UEVLD: variants seen among roughly 807,000 people sequenced by gnomAD.
UEVLD encodes the protein UEV and lactate/malate dehyrogenase domains, also known as ubiquitin-conjugating enzyme E2 variant 3.
UEVLD carries 47 observed loss-of-function variants against 58.6 expected under a neutral mutation model. That is an observed-to-expected ratio of 0.80 (90% CI 0.63 to 1.02). The LOEUF is 1.02. Among genes scored for constraint, UEVLD ranks in the 50% least tolerant of loss-of-function variants. UEVLD has a pLI of 0.00. For synonymous variants in UEVLD, 197 were observed against 195.3 expected, an observed-to-expected ratio of 1.01 and a Z score of -0.07; for missense variants, 510 against 550.6, an observed-to-expected ratio of 0.93 and a Z score of 0.74.
intron 7 of UEVLD, among the ~76,000 whole-genome samples, chr11:18,554,063 G>C (rs1019283657): frequency 1.3e-5 from 2 of 152,060 alleles, no homozygotes; most frequent in African/African-American, 4.8e-5. Context: ...AATTCCCTCG[G>C]TCTGACTCCT....
At chr11:18,575,033 G>A (rs2305167) in intron 3 of UEVLD, among the ~76,000 whole-genome samples, 28,492 of 152,108 alleles carry the variant, frequency 0.19, 2,760 homozygotes, top group East Asian at 0.25. Flanking sequence ...TTTGAAAGAA[G>A]TCCCCCCAAA....
intron 3 of UEVLD, among the ~76,000 whole-genome samples, chr11:18,571,755 C>T (rs1168971259): frequency 6.6e-6 from 1 of 152,166 alleles, no homozygotes; most frequent in Non-Finnish European, 1.5e-5. Context: ...CAGCTTGAGT[C>T]CAGGACTTCA....
chr11:18,562,437 G>T lies in UEVLD; in HGVS notation c.612+2455C>A, dbSNP rs538872239. ...CACGCCTGTAATCCCAGCTACTCGGGAGGCTGAGGTAGGAGAATCACTTGA... is the reference window on the plus strand; with the variant it reads ...CACGCCTGTAATCCCAGCTACTCGGTAGGCTGAGGTAGGAGAATCACTTGA... On this transcript the variant is annotated intron_variant, in intron 6 of 11. Coordinates refer to ENST00000396197, the MANE Select transcript of UEVLD (RefSeq NM_001040697.4). 1.1e-4 allele frequency among the ~76,000 whole-genome samples: 16 copies of T among 152,186 alleles called. 1 individual carries two copies. Among genetic ancestry groups the T allele is most frequent in the Middle Eastern group, 3.4e-3 (1 of 294 alleles).
intron 6 of UEVLD, among the ~76,000 whole-genome samples, chr11:18,561,795 G>A (rs1384494089): frequency 6.7e-6 from 1 of 148,698 alleles, no homozygotes; most frequent in Middle Eastern, 3.3e-3. Context: ...TCACGCCACT[G>A]CAATCCAGCC....
chr11:18,570,522 G>A (rs984973895), intron 3 of UEVLD, 145 bp from the exon 4 acceptor site: 2 of 664,626 alleles, frequency 3.0e-6, no homozygotes, highest in Non-Finnish European at 4.5e-6. Context: ...GAGGTGAGCA[G>A]ATTGCATGAG....
At chr11:18,555,000 T>TAG (rs1263194837) in intron 7 of UEVLD, among the ~76,000 whole-genome samples, 1 of 152,180 alleles carries the variant, frequency 6.6e-6, no homozygotes, top group East Asian at 1.9e-4. Context: ...TAAAATTACT[T>TAG]CATCTAAGGA....
intron 4 of UEVLD, among the ~76,000 whole-genome samples, chr11:18,568,341 C>T (rs1390153379): frequency 6.6e-6 from 1 of 152,132 alleles, no homozygotes; most frequent in Non-Finnish European, 1.5e-5. Flanking sequence ...TGAATTCCTG[C>T]AACATGGTAC....
chr11:18,579,115 C>T (rs1286936091), intron 1 of UEVLD, among the ~76,000 whole-genome samples: 1 of 152,176 alleles, frequency 6.6e-6, no homozygotes, highest in Non-Finnish European at 1.5e-5. Context: ...GATCTGCCTG[C>T]CTCGGCCTCC....
At chr11:18,546,793 G>C (rs1851319064) in intron 8 of UEVLD, 87 bp downstream of exon 8, 10 of 1,473,878 alleles carry the variant, frequency 6.8e-6, no homozygotes, top group Non-Finnish European at 9.2e-6. Context: ...CACTGTGCCA[G>C]GCCCTAAAGT....
At chr11:18,571,284 T>G (rs1027510651) in intron 3 of UEVLD, among the ~76,000 whole-genome samples, 1 of 152,026 alleles carries the variant, frequency 6.6e-6, no homozygotes. Context: ...GAGGCATAGG[T>G]TGCAGTGAGC....
rs929790557 is a variant in UEVLD, at chr11:18,529,813, A to T, written c.*2507T>A. ...GAAAATGCCAAATTATCACAAAATC[A>T]TAGGGAGGTGGTGGTGGTGATATTG... On this transcript the variant is annotated 3_prime_UTR_variant, in exon 12 of 12. Coordinates refer to ENST00000396197, the MANE Select transcript of UEVLD (RefSeq NM_001040697.4). 2 of 152,248 alleles carry T rather than the reference A, an allele frequency of 1.3e-5. No individual in the cohort carries two copies. The highest frequency in any genetic ancestry group is 2.1e-4 in the South Asian group (1 of 4,836). The allele number at this position is 152,248 out of a possible 1,614,324, so 9.4% of individuals were successfully genotyped here.
chr11:18,544,234 T>G (rs1851185995), intron 9 of UEVLD, among the ~76,000 whole-genome samples: 1 of 152,194 alleles, frequency 6.6e-6, no homozygotes, highest in African/African-American at 2.4e-5. Flanking sequence ...CAAAGCCAAT[T>G]AAGCCCACAA....
intron 3 of UEVLD, among the ~76,000 whole-genome samples, chr11:18,574,433 C>T (rs541036758): frequency 3.3e-4 from 51 of 152,296 alleles, no homozygotes; most frequent in African/African-American, 1.1e-3. Context: ...CCACCACACC[C>T]GGCAAGAACA....
chr11:18,578,714 T>C lies in UEVLD; in HGVS notation c.127+10A>G, dbSNP rs1301501855. On this transcript the variant is annotated intron_variant, in intron 2 of 11. Coordinates refer to ENST00000396197, the MANE Select transcript of UEVLD (RefSeq NM_001040697.4). ...AATGCAGCATTTAAACTAGAGGATATGATTCTTACCATAGGTGTCCATGGA... is the reference window on the plus strand; with the variant it reads ...AATGCAGCATTTAAACTAGAGGATACGATTCTTACCATAGGTGTCCATGGA... The C allele has an allele frequency of 2.5e-6, 4 of 1,586,204 alleles. No individual in the cohort carries two copies. Among genetic ancestry groups the C allele is most frequent in the Admixed American group, 1.8e-5 (1 of 56,122 alleles).
At chr11:18,587,252 A>C (rs532970245) in intron 1 of UEVLD, among the ~76,000 whole-genome samples, 2 of 152,350 alleles carry the variant, frequency 1.3e-5, no homozygotes, top group Non-Finnish European at 2.9e-5. Flanking sequence ...TCTGCACATT[A>C]AAACTTGAAT....
Position 18,529,773 on chromosome 11 carries a change from A to G in UEVLD, c.*2547T>C, listed in dbSNP as rs1192664740. The G allele has an allele frequency of 6.6e-6, 1 of 152,264 alleles. No homozygotes were observed. The highest frequency in any genetic ancestry group is 1.5e-5 in the Non-Finnish European group (1 of 68,044). 9.4% of individuals were successfully genotyped at this position (152,264 alleles called of 1,614,324 possible). ...TGATTTCATAAAAATGAAAACATGA[A>G]AGTTAACAAGCATTGAAAATGCCAA... On this transcript the variant is annotated 3_prime_UTR_variant, in exon 12 of 12. Transcript: ENST00000396197.
intron 7 of UEVLD, among the ~76,000 whole-genome samples, chr11:18,548,205 C>T (rs1265528148): frequency 2.6e-5 from 4 of 152,166 alleles, no homozygotes; most frequent in Non-Finnish European, 4.4e-5. Context: ...CTCCAGCACA[C>T]GTTATGCTGT....
At position 18,539,463 on chromosome 11, in the gene UEVLD, A is replaced by G. The variant is rs867879645; in HGVS notation, c.1061-2994T>C. On this transcript the variant is annotated intron_variant, in intron 9 of 11. Coordinates refer to ENST00000396197, the MANE Select transcript of UEVLD (RefSeq NM_001040697.4). ...ACTTAAGGGATTTTTAAAATGTTTT[A>G]CTTAGATAGAAGGGTGATAGGTGGA... Among the ~76,000 whole-genome samples the G allele has an allele frequency of 3.4e-4, 52 of 152,334 alleles. No homozygotes were observed. In the Middle Eastern group the frequency reaches 0.01, roughly 30 times the overall value.
chr11:18,546,818 C>T lies in UEVLD; in HGVS notation c.886+62G>A, dbSNP rs546723372. The T allele has an allele frequency of 1.6e-5, 26 of 1,575,864 alleles. No individual in the cohort carries two copies. In the Admixed American group the frequency reaches 4.3e-4, roughly 26 times the overall value. On this transcript the variant is annotated intron_variant, in intron 8 of 11. Coordinates refer to ENST00000396197, the MANE Select transcript of UEVLD (RefSeq NM_001040697.4). ...GGCCCTAAAGTTTTATGGTTTTTAT[C>T]AGTAATGGCAATTCTACTGATGTAC...
Sources: gnomAD v4.1 joint callset for allele counts (sites outside exome capture counted in the v4.1 genomes callset) on GRCh38, gnomAD v4.1.1 for gene constraint, MANE v1.5 for transcripts, NCBI Gene and HGNC (gene_info 2026-07-23, HGNC 2026-07-21) for gene names.